The following TPD52L1 variants were observed in gnomAD, a reference collection of about 807,000 sequenced individuals.
The protein encoded by TPD52L1 is tumor protein D53.
TPD52L1 carries 18 observed loss-of-function variants against 28.7 expected under a neutral mutation model. That is an observed-to-expected ratio of 0.63 (90% CI 0.43 to 0.93). The LOEUF is 0.93. Among genes scored for constraint, TPD52L1 ranks in the 40% least tolerant of loss-of-function variants. TPD52L1 has a pLI of 0.00. For missense variants in TPD52L1, 203 were observed against 254.8 expected (o/e 0.80, Z 1.39); for synonymous variants, 75 against 88.8 (o/e 0.84, Z 0.88).
At chr6:125,231,437 C>T (rs982533569) in intron 3 of TPD52L1, among the ~76,000 whole-genome samples, 2 of 152,160 alleles carry the variant, frequency 1.3e-5, no homozygotes, top group Non-Finnish European at 2.9e-5. Flanking sequence ...GGCTTCTAGC[C>T]TCTTCCCACA....
intron 1 of TPD52L1, among the ~76,000 whole-genome samples, chr6:125,217,993 A>G (rs1489162533): frequency 6.6e-6 from 1 of 152,078 alleles, no homozygotes; most frequent in East Asian, 1.9e-4. Context: ...TGTCCTGTTT[A>G]TGAACTTTTG....
intron 3 of TPD52L1, among the ~76,000 whole-genome samples, chr6:125,238,942 T>C (rs1240535507): frequency 1.3e-5 from 2 of 152,228 alleles, no homozygotes; most frequent in Non-Finnish European, 2.9e-5. Context: ...TAAATATGCA[T>C]GTGTAAGTGT....
At chr6:125,173,639 A>G (rs1013044430) in intron 1 of TPD52L1, among the ~76,000 whole-genome samples, 4 of 152,184 alleles carry the variant, frequency 2.6e-5, no homozygotes, top group African/African-American at 9.6e-5. Context: ...TCAATAGGTG[A>G]TGCTTTTTAA....
chr6:125,170,055 G>A (rs1791184829), intron 1 of TPD52L1, among the ~76,000 whole-genome samples: 1 of 152,034 alleles, frequency 6.6e-6, no homozygotes. Flanking sequence ...AATATTGCTT[G>A]TCAGTACTAC....
At chr6:125,243,311 A>G (rs2115023757) in intron 3 of TPD52L1, among the ~76,000 whole-genome samples, 1 of 152,202 alleles carries the variant, frequency 6.6e-6, no homozygotes, top group African/African-American at 2.4e-5. Context: ...GAATAATTTC[A>G]CAGGAGTTCT....
chr6:125,190,045 G>C (rs1562250428), intron 1 of TPD52L1, among the ~76,000 whole-genome samples: 1 of 151,966 alleles, frequency 6.6e-6, no homozygotes, highest in Admixed American at 6.6e-5. Context: ...GGTTAGGACA[G>C]AAGGAAGTAT....
At chr6:125,208,301 G>T (rs1488668701) in intron 1 of TPD52L1, among the ~76,000 whole-genome samples, 1 of 152,184 alleles carries the variant, frequency 6.6e-6, no homozygotes. Context: ...ATTCAGCTGG[G>T]GATAAGGAGG....
chr6:125,175,326 G>A (rs1029501875), intron 1 of TPD52L1, among the ~76,000 whole-genome samples: 12 of 152,058 alleles, frequency 7.9e-5, no homozygotes, highest in African/African-American at 2.2e-4. Context: ...CAGCATGGAC[G>A]TTTCAACTTT....
intron 1 of TPD52L1, among the ~76,000 whole-genome samples, chr6:125,159,898 ACATGT>A (rs1240443792): frequency 1.3e-5 from 2 of 152,152 alleles, no homozygotes; most frequent in Non-Finnish European, 2.9e-5. Context: ...CATAATTCCC[ACATGT>A]CATGGGAGGG....
intron 3 of TPD52L1, among the ~76,000 whole-genome samples, chr6:125,241,024 T>C (rs1796582083): frequency 6.6e-6 from 1 of 152,168 alleles, no homozygotes; most frequent in Non-Finnish European, 1.5e-5. Context: ...TGCAGAGATC[T>C]TTAATCATAA....
At chr6:125,193,996 G>A (rs1396418426) in intron 1 of TPD52L1, among the ~76,000 whole-genome samples, 1 of 147,212 alleles carries the variant, frequency 6.8e-6, no homozygotes, top group Non-Finnish European at 1.5e-5. Flanking sequence ...GATAAATAGA[G>A]AATTTTGTGG....
chr6:125,219,872 A>T (rs1054509672), intron 1 of TPD52L1: 6 of 589,468 alleles, frequency 1.0e-5, no homozygotes, highest in Non-Finnish European at 1.8e-5. Context: ...TTTTCTCTTA[A>T]TTTTTTTCTT....
chr6:125,163,186 A>AT (rs1790634278), intron 1 of TPD52L1, among the ~76,000 whole-genome samples: 1 of 152,212 alleles, frequency 6.6e-6, no homozygotes, highest in African/African-American at 2.4e-5. Context: ...TCCCAATGGG[A>AT]TTTTTTGAGT....
chr6:125,261,708 T>A (rs1299852714), intron 6 of TPD52L1: 1 of 152,166 alleles, frequency 6.6e-6, no homozygotes, highest in East Asian at 1.9e-4. Flanking sequence ...AAGCCAGTTT[T>A]AATAAGGGAT....
chr6:125,208,752 C>T (rs1415371956), intron 1 of TPD52L1, among the ~76,000 whole-genome samples: 3 of 152,040 alleles, frequency 2.0e-5, no homozygotes, highest in African/African-American at 7.2e-5. Context: ...AGGTAAGACA[C>T]GTAATCAAAT....
chr6:125,156,794 A>G (rs1047056570), intron 1 of TPD52L1, among the ~76,000 whole-genome samples: 1 of 152,124 alleles, frequency 6.6e-6, no homozygotes, highest in Non-Finnish European at 1.5e-5. Flanking sequence ...AAAAGAGAAT[A>G]ACAACAAAAA....
intron 4 of TPD52L1, among the ~76,000 whole-genome samples, chr6:125,249,691 C>CAAAA (rs11431442): frequency 1.2e-4 from 9 of 75,168 alleles, no homozygotes; most frequent in African/African-American, 1.2e-4. Context: ...GACTCTGTCT[C>CAAAA]AAAAAAAAAA....
At chr6:125,158,288 A>G (rs1212766259) in intron 1 of TPD52L1, among the ~76,000 whole-genome samples, 1 of 152,242 alleles carries the variant, frequency 6.6e-6, no homozygotes, top group East Asian at 1.9e-4. Context: ...TCAGATGTCC[A>G]TGAATGAAAT....
At chr6:125,170,579 C>T (rs1791230408) in intron 1 of TPD52L1, among the ~76,000 whole-genome samples, 1 of 151,986 alleles carries the variant, frequency 6.6e-6, no homozygotes, top group Non-Finnish European at 1.5e-5. Flanking sequence ...GTTACATCAT[C>T]CTTTTGGAAC....
Sources: allele counts gnomAD v4.1 joint callset (sites outside exome capture counted in the v4.1 genomes callset), GRCh38; gene constraint gnomAD v4.1.1; transcripts MANE v1.5; gene names NCBI Gene and HGNC (gene_info 2026-07-23, HGNC 2026-07-21).